Variants in SPIRE1 observed in about 807,000 individuals in gnomAD.
SPIRE1 encodes the protein spire type actin nucleation factor 1.
A neutral mutation model predicts 94.1 loss-of-function variants in SPIRE1; 40 were observed. The ratio of observed to expected loss-of-function variants is 0.43; its 90% CI spans 0.33 to 0.55. The LOEUF is 0.55. Among genes scored for constraint, SPIRE1 ranks in the 20% least tolerant of loss-of-function variants. SPIRE1 has a pLI of 0.06. For synonymous variants in SPIRE1, 376 were observed against 371.7 expected, an observed-to-expected ratio of 1.01 and a Z score of -0.13; for missense variants, 838 against 975.2, an observed-to-expected ratio of 0.86 and a Z score of 1.87.
At chr18:12,646,508 G>A (rs1410706732) in intron 1 of SPIRE1, among the ~76,000 whole-genome samples, 3 of 152,000 alleles carry the variant, frequency 2.0e-5, no homozygotes, top group African/African-American at 4.8e-5. Flanking sequence ...TGGGAATATC[G>A]CTAACATGGT....
intron 1 of SPIRE1, among the ~76,000 whole-genome samples, chr18:12,657,298 C>G (rs1375682293): frequency 6.6e-6 from 1 of 151,786 alleles, no homozygotes; most frequent in African/African-American, 2.4e-5. Context: ...ACGTCCTCCG[C>G]ACAGCGGATT....
intron 4 of SPIRE1, among the ~76,000 whole-genome samples, chr18:12,528,105 T>C (rs1474810984): frequency 1.3e-5 from 2 of 151,824 alleles, no homozygotes; most frequent in African/African-American, 4.8e-5. Context: ...ACTCTAATAT[T>C]TATTAGGTTA....
chr18:12,658,001 C>T lies in SPIRE1; in HGVS notation c.-135G>A. The T allele has an allele frequency of 1.0e-6, 1 of 994,476 alleles. No individual in the cohort carries two copies. Among genetic ancestry groups the T allele is most frequent in the African/African-American group, 1.7e-5 (1 of 57,212 alleles). The allele number at this position is 994,476 out of a possible 1,614,324, so 61.6% of individuals were successfully genotyped here. On this transcript the variant is annotated 5_prime_UTR_variant, in exon 1 of 17. Coordinates refer to ENST00000409402, the MANE Select transcript of SPIRE1 (RefSeq NM_001128626.2). ...CCCAACGCGGCCGCGCGCGCCGCCG[C>T]CGGGACCAGGCGAGTGCCCGGGAGG... is the stretch of plus-strand genomic sequence containing the variant.
intron 2 of SPIRE1, among the ~76,000 whole-genome samples, chr18:12,613,365 C>T (rs758021010): frequency 1.3e-5 from 2 of 152,144 alleles, no homozygotes; most frequent in Non-Finnish European, 2.9e-5. Flanking sequence ...ATGCTGCTCC[C>T]GGCTCCCCAC....
At chr18:12,576,963 A>C (rs951833513) in intron 2 of SPIRE1, among the ~76,000 whole-genome samples, 1 of 151,778 alleles carries the variant, frequency 6.6e-6, no homozygotes, top group African/African-American at 2.4e-5. Flanking sequence ...CCTAAGGGTC[A>C]ACAGGTAAAC....
At chr18:12,660,359 G>A (rs2038671606), upstream of SPIRE1, among the ~76,000 whole-genome samples, 2 of 145,494 alleles carry the variant, frequency 1.4e-5, no homozygotes, top group African/African-American at 5.1e-5. Flanking sequence ...GTCTCACCCT[G>A]TCTCCCAGGC....
At chr18:12,563,238 G>T in intron 2 of SPIRE1, among the ~76,000 whole-genome samples, 1 of 151,180 alleles carries the variant, frequency 6.6e-6, no homozygotes. Context: ...CTAGGTATAT[G>T]GTGTTGATCT....
At chr18:12,564,699 C>T (rs1178538205) in intron 2 of SPIRE1, among the ~76,000 whole-genome samples, 1 of 152,000 alleles carries the variant, frequency 6.6e-6, no homozygotes, top group Admixed American at 6.6e-5. Flanking sequence ...TGGGAACCAG[C>T]GCCAGGGTGG....
chr18:12,452,041 CTG>C (rs1273422423), intron 16 of SPIRE1, among the ~76,000 whole-genome samples: 1 of 152,170 alleles, frequency 6.6e-6, no homozygotes, highest in Non-Finnish European at 1.5e-5. Context: ...AATATAAACT[CTG>C]TGATGAAAGT....
At position 12,591,947 on chromosome 18, in the gene SPIRE1, C is replaced by T. The variant is rs1005396425; in HGVS notation, c.372+43115G>A. On this transcript the variant is annotated intron_variant, in intron 2 of 16. Transcript: ENST00000409402. The stretch of plus-strand genomic sequence containing the variant: ...TCGCACCACTGCACTCCAGCCTGGG[C>T]GACAGAGCAAGACTCCATCTCAAAA... Among the ~76,000 whole-genome samples the T allele has an allele frequency of 2.1e-4, 24 of 115,762 alleles. No homozygotes were observed. In the East Asian group the frequency reaches 2.8e-3, roughly 14 times the overall value. 75.9% of individuals were successfully genotyped at this position (115,762 alleles called of 152,430 possible). A position where few individuals can be genotyped will look rare whatever the true frequency, so the allele number is the denominator to read the frequency against.
chr18:12,518,202 G>C (rs1351227942), intron 4 of SPIRE1, among the ~76,000 whole-genome samples: 1 of 152,062 alleles, frequency 6.6e-6, no homozygotes, highest in African/African-American at 2.4e-5. Flanking sequence ...GTAGAGACAG[G>C]GTTTTGCCAT....
chr18:12,579,230 C>T (rs1340247223), intron 2 of SPIRE1, among the ~76,000 whole-genome samples: 1 of 140,354 alleles, frequency 7.1e-6, no homozygotes, highest in Admixed American at 7.5e-5. Flanking sequence ...CACACACACA[C>T]ACAAAATACT....
chr18:12,515,107 C>T (rs1176303150), intron 4 of SPIRE1, among the ~76,000 whole-genome samples: 1 of 152,114 alleles, frequency 6.6e-6, no homozygotes, highest in African/African-American at 2.4e-5. Flanking sequence ...AAAGGCTGAT[C>T]CCACAGAAGC....
chr18:12,601,453 A>AC (rs1454575701), intron 2 of SPIRE1, among the ~76,000 whole-genome samples: 1 of 151,988 alleles, frequency 6.6e-6, no homozygotes, highest in South Asian at 2.1e-4. Context: ...ACAGAACCAA[A>AC]CTGCTTTATT....
chr18:12,639,582 A>C, intron 1 of SPIRE1, among the ~76,000 whole-genome samples: 1 of 152,074 alleles, frequency 6.6e-6, no homozygotes, highest in Non-Finnish European at 1.5e-5. Flanking sequence ...AAATACAAAA[A>C]TTAGCTGTGC....
At chr18:12,494,012 C>T (rs552517311) in intron 7 of SPIRE1, among the ~76,000 whole-genome samples, 5 of 152,132 alleles carry the variant, frequency 3.3e-5, no homozygotes, top group South Asian at 2.1e-4. Flanking sequence ...TGAAGTGATC[C>T]GTCTACCTCA....
intron 1 of SPIRE1, among the ~76,000 whole-genome samples, chr18:12,649,266 A>C (rs1453870191): frequency 6.6e-6 from 1 of 152,064 alleles, no homozygotes; most frequent in African/African-American, 2.4e-5. Flanking sequence ...AAAATTAGCC[A>C]GAAGTGGCAG....
intron 11 of SPIRE1, among the ~76,000 whole-genome samples, chr18:12,464,555 C>A (rs1266638596): frequency 6.6e-6 from 1 of 152,030 alleles, no homozygotes; most frequent in Non-Finnish European, 1.5e-5. Flanking sequence ...TGTTGGGCTT[C>A]TGGTTTAAAT....
intron 2 of SPIRE1, among the ~76,000 whole-genome samples, chr18:12,623,927 CT>C (rs573294664): frequency 6.0e-4 from 80 of 132,462 alleles, no homozygotes; most frequent in African/African-American, 1.3e-3. Context: ...TGCACTCGGC[CT>C]TTTTTTTTTT....
Sources: allele counts gnomAD v4.1 joint callset (sites outside exome capture counted in the v4.1 genomes callset), GRCh38; gene constraint gnomAD v4.1.1; transcripts MANE v1.5; gene names NCBI Gene and HGNC (gene_info 2026-07-23, HGNC 2026-07-21).